CAMTA1: variants seen among roughly 807,000 people sequenced by gnomAD.
The protein encoded by CAMTA1 is calmodulin-binding transcription activator 1.
CAMTA1 carries 27 observed loss-of-function variants against 170.9 expected under a neutral mutation model. The ratio of observed to expected loss-of-function variants is 0.16; its 90% CI spans 0.12 to 0.22. CAMTA1 has a LOEUF of 0.22. CAMTA1 is among the 10% of genes least tolerant of loss of function. CAMTA1 has a pLI of 1.00. For synonymous variants in CAMTA1, 833 were observed against 891.5 expected (o/e 0.93, Z 1.17); for missense variants, 1,619 against 2,217.2 (o/e 0.73, Z 5.42).
In CAMTA1 at chr1:7,493,948, G is replaced by C. The variant is rs563780187; in HGVS notation, c.510+26047G>C. On this transcript the variant is annotated intron_variant, in intron 6 of 22. Coordinates refer to ENST00000303635, the MANE Select transcript of CAMTA1 (RefSeq NM_015215.4). ...TTCACTCCCCGTCTCTGCCTCCCAGGCTCAGCAGGCCACCCGCCGGCCTCT... is the reference window on the plus strand; with the variant it reads ...TTCACTCCCCGTCTCTGCCTCCCAGCCTCAGCAGGCCACCCGCCGGCCTCT... Among the ~76,000 whole-genome samples, 64 of 152,234 alleles carry C rather than the reference G, an allele frequency of 4.2e-4. No homozygotes were observed. In the South Asian group the frequency reaches 0.013, roughly 31 times the overall value.
At chr1:6,925,600 G>T (rs1026251049) in intron 3 of CAMTA1, among the ~76,000 whole-genome samples, 2 of 152,114 alleles carry the variant, frequency 1.3e-5, no homozygotes, top group Non-Finnish European at 1.5e-5. Context: ...GTAGCTGAGG[G>T]AGGGGTCTCT....
intron 3 of CAMTA1, among the ~76,000 whole-genome samples, chr1:7,016,259 C>T (rs1169663317): frequency 1.3e-5 from 2 of 152,168 alleles, no homozygotes; most frequent in African/African-American, 2.4e-5. Flanking sequence ...TGGTTCCTTT[C>T]AGTGGCTGGG....
At chr1:6,977,670 A>G (rs1024887398) in intron 3 of CAMTA1, among the ~76,000 whole-genome samples, 1 of 152,050 alleles carries the variant, frequency 6.6e-6, no homozygotes, top group African/African-American at 2.4e-5. Flanking sequence ...ATATCATGTC[A>G]TTTACTCTTC....
intron 5 of CAMTA1, among the ~76,000 whole-genome samples, chr1:7,448,693 C>A (rs1228109458): frequency 6.6e-6 from 1 of 152,222 alleles, no homozygotes; most frequent in Non-Finnish European, 1.5e-5. Context: ...TTGCTGCGTC[C>A]TTACGTGGTA....
intron 5 of CAMTA1, among the ~76,000 whole-genome samples, chr1:7,359,026 CT>C (rs2085342447): frequency 6.6e-6 from 1 of 152,174 alleles, no homozygotes; most frequent in Non-Finnish European, 1.5e-5. Flanking sequence ...AGGAGCCTCC[CT>C]TCTAGAAAGT....
intron 22 of CAMTA1, among the ~76,000 whole-genome samples, chr1:7,761,611 C>G (rs1297027865): frequency 6.6e-6 from 1 of 152,090 alleles, no homozygotes; most frequent in Non-Finnish European, 1.5e-5. Context: ...GACCACAGGT[C>G]CTGGATTTTC....
intron 3 of CAMTA1, among the ~76,000 whole-genome samples, chr1:6,894,958 G>C (rs1421187613): frequency 1.3e-5 from 2 of 152,168 alleles, no homozygotes; most frequent in East Asian, 1.9e-4. Context: ...TTGCAAAGCC[G>C]GGAGACCAAG....
Position 7,299,181 on chromosome 1 carries a change from T to C in CAMTA1, c.438+49555T>C, listed in dbSNP as rs1479281142. 6.6e-6 allele frequency among the ~76,000 whole-genome samples: 1 copy of C among 152,258 alleles called. No homozygotes were observed. Among genetic ancestry groups the C allele is most frequent in the African/African-American group, 2.4e-5 (1 of 41,474 alleles). ...TGGGGAGACCTGATTCCCTGCCTAGTGCTTCCTTCGTTTTCATGGATTCTT... is the reference window on the plus strand; with the variant it reads ...TGGGGAGACCTGATTCCCTGCCTAGCGCTTCCTTCGTTTTCATGGATTCTT... On this transcript the variant is annotated intron_variant, in intron 5 of 22. Coordinates refer to ENST00000303635, the MANE Select transcript of CAMTA1 (RefSeq NM_015215.4). The surrounding 1 kb of genome is among the most constrained non-coding windows in gnomAD (Gnocchi z 4.7).
chr1:6,943,746 C>T (rs994874522), intron 3 of CAMTA1, among the ~76,000 whole-genome samples: 2 of 148,898 alleles, frequency 1.3e-5, no homozygotes, highest in African/African-American at 5.0e-5. Flanking sequence ...ACTCAGGAGG[C>T]TGAGGCAGTA....
intron 6 of CAMTA1, among the ~76,000 whole-genome samples, chr1:7,498,492 AGT>A (rs56292452): frequency 0.098 from 14,825 of 151,124 alleles, 941 homozygotes; most frequent in African/African-American, 0.17. Flanking sequence ...CATGTATGAG[AGT>A]GAGTGTGGGT....
chr1:7,390,489 A>T (rs2088576754), intron 5 of CAMTA1, among the ~76,000 whole-genome samples: 1 of 152,100 alleles, frequency 6.6e-6, no homozygotes, highest in South Asian at 2.1e-4. Flanking sequence ...ACGGCCCAGG[A>T]TTGGCCCTGC....
rs953027072 is a variant in CAMTA1, at chr1:7,676,462, A to G, written c.2780-1137A>G. On this transcript the variant is annotated intron_variant, in intron 10 of 22. Coordinates refer to ENST00000303635, the MANE Select transcript of CAMTA1 (RefSeq NM_015215.4). ...CAGGATGGACAGCGGCCACCGGTCA[A>G]TGAGCTGGTTTTCCCATCGGGACTG... 3.9e-5 allele frequency among the ~76,000 whole-genome samples: 6 copies of G among 152,240 alleles called. No individual in the cohort carries two copies. The East Asian group carries it at 1.2e-3, about 29-fold the overall frequency.
At chr1:7,428,733 C>T (rs1239945819) in intron 5 of CAMTA1, among the ~76,000 whole-genome samples, 1 of 152,090 alleles carries the variant, frequency 6.6e-6, no homozygotes, top group African/African-American at 2.4e-5. Flanking sequence ...CATGACTGCC[C>T]CACCCCACCA....
At chr1:7,707,384 A>T (rs1577070087) in intron 11 of CAMTA1, among the ~76,000 whole-genome samples, 1 of 151,886 alleles carries the variant, frequency 6.6e-6, no homozygotes, top group East Asian at 2.0e-4. Context: ...GAAAGGTGTG[A>T]GGCTCTTTTT....
rs150925036 is a variant in CAMTA1 at position 7,595,921 on chromosome 1, G to A, written c.511-44479G>A. ...CCAAAAGGATGACATCCCAAGGAAC[G>A]TGCAGCCTCCCAAGCTTCCAGGATG... On this transcript the variant is annotated intron_variant, in intron 6 of 22. Coordinates refer to ENST00000303635, the MANE Select transcript of CAMTA1 (RefSeq NM_015215.4). Among the ~76,000 whole-genome samples, 109 of 152,268 alleles carry A rather than the reference G, an allele frequency of 7.2e-4. No individual in the cohort carries two copies. In the East Asian group the frequency reaches 7.9e-3, roughly 11 times the overall value.
At chr1:7,199,377 G>C (rs555011706) in intron 4 of CAMTA1, among the ~76,000 whole-genome samples, 1 of 152,230 alleles carries the variant, frequency 6.6e-6, no homozygotes, top group African/African-American at 2.4e-5. Flanking sequence ...AGGTGGTGGC[G>C]TCAGCCCTGC....
intron 3 of CAMTA1, among the ~76,000 whole-genome samples, chr1:7,053,336 CTA>C (rs1706748840): frequency 6.6e-6 from 1 of 152,206 alleles, no homozygotes; most frequent in African/African-American, 2.4e-5. Flanking sequence ...CATCGAAGCT[CTA>C]TGCCCACCAT....
At chr1:7,464,355 G>A (rs529890644) in intron 5 of CAMTA1, among the ~76,000 whole-genome samples, 15 of 152,316 alleles carry the variant, frequency 9.8e-5, no homozygotes, top group South Asian at 8.3e-4. Context: ...ATCAAAAAGC[G>A]CCAGGAGTTT....
rs1218621371 is a variant in CAMTA1, at chr1:7,248,700, C to T, written c.303-791C>T. Among the ~76,000 whole-genome samples, 2 of 152,132 alleles carry T rather than the reference C, an allele frequency of 1.3e-5. No individual in the cohort carries two copies. Among genetic ancestry groups the T allele is most frequent in the Non-Finnish European group, 2.9e-5 (2 of 68,030 alleles). On this transcript the variant is annotated intron_variant, in intron 4 of 22. Coordinates refer to ENST00000303635, the MANE Select transcript of CAMTA1 (RefSeq NM_015215.4). The surrounding 1 kb of genome is among the most constrained non-coding windows in gnomAD (Gnocchi z 4.0). The stretch of plus-strand genomic sequence containing the variant: ...GCAGATATGCACGTCATCAGCCTCT[C>T]CTCTCTGTGGTGGACGCGTGTTTTC...
Sources: gnomAD v4.1 joint callset for allele counts (sites outside exome capture counted in the v4.1 genomes callset) on GRCh38, gnomAD v4.1.1 for gene constraint, Gnocchi (gnomAD v3.1) non-coding constraint, MANE v1.5 for transcripts, NCBI Gene and HGNC (gene_info 2026-07-23, HGNC 2026-07-21) for gene names.